The following COL9A3 variants were observed in gnomAD, a reference collection of about 807,000 sequenced individuals.
The protein encoded by COL9A3 is collagen alpha-3(IX) chain.
In COL9A3, 82 loss-of-function variants were observed where a neutral mutation model predicts 110.2. That is an observed-to-expected ratio of 0.74 (90% CI 0.62 to 0.89). COL9A3 has a LOEUF of 0.89. Among genes scored for constraint, COL9A3 ranks in the 40% least tolerant of loss-of-function variants. The pLI, the probability that COL9A3 is intolerant of heterozygous loss-of-function variation, is 0.00. For synonymous variants in COL9A3, 494 were observed against 403.8 expected (o/e 1.22, Z -2.68); for missense variants, 1,066 against 981.3 (o/e 1.09, Z -1.15).
intron 5 of COL9A3, 107 bp downstream of exon 5, chr20:62,820,089 C>G: frequency 7.5e-7 from 1 of 1,335,136 alleles, no homozygotes; most frequent in South Asian, 1.2e-5. Context: ...GTTCCAAGGA[C>G]AGCTGCCCTG....
chr20:62,819,576 G>T (rs1361444373), intron 4 of COL9A3, among the ~76,000 whole-genome samples: 1 of 152,164 alleles, frequency 6.6e-6, no homozygotes, highest in Non-Finnish European at 1.5e-5. Context: ...CCCACTGCTG[G>T]CCTCACTTAG....
intron 30 of COL9A3, among the ~76,000 whole-genome samples, chr20:62,837,900 G>A (rs1360858737): frequency 2.0e-5 from 3 of 151,894 alleles, no homozygotes; most frequent in Non-Finnish European, 2.9e-5. Flanking sequence ...GTGGATTACT[G>A]GAAGTCAGGA....
intron 26 of COL9A3, among the ~76,000 whole-genome samples, chr20:62,835,060 G>A (rs2147225311): frequency 6.6e-6 from 1 of 152,380 alleles, no homozygotes; most frequent in Middle Eastern, 3.4e-3. Flanking sequence ...AAAACCTAAG[G>A]CTTTGCTCTC....
intron 5 of COL9A3, 115 bp from the exon 6 acceptor site, chr20:62,821,066 G>C: frequency 5.5e-6 from 6 of 1,096,076 alleles, no homozygotes; most frequent in Non-Finnish European, 8.1e-6. Context: ...GTGAAGTGGG[G>C]ACTTGGACCC....
At position 62,836,258 on chromosome 20, in the gene COL9A3, C is replaced by A. The variant is rs913310560; in HGVS notation, c.1473C>A (p.Val491=). 10 of 1,613,574 alleles carry A rather than the reference C, an allele frequency of 6.2e-6. No individual in the cohort carries two copies. In the Admixed American group the frequency reaches 1.0e-4, roughly 16 times the overall value. The change falls in exon 28 of 32, where the codon GTC becomes GTA. Residue 491 remains valine, a synonymous_variant. Transcript: ENST00000649368. ...ACGGCACCAGCGGTGTTCAGGGTGT[C>A]CCCGGGCCCCCCGGTCCTCTGGGCC... ...GPNGTSGVQG[V]PGPPGPLGLQ...
chr20:62,836,508 G>T lies in COL9A3; in HGVS notation c.1579G>T (p.Glu527Ter). The T allele has an allele frequency of 6.2e-7, 1 of 1,613,100 alleles. No homozygotes were observed. The part of the protein sequence containing the change: ...GKEASEQRIR[E>*]LCGGMISEQI... ...GGAGGCCAGCGAGCAGCGCATCAGG[G>T]AGCTGTGTGGGGGGATGATCAGCGG... The change falls in exon 29 of 32, where the codon GAG (glutamate) becomes TAG (stop). Residue 527 changes from glutamate to a stop codon, truncating the protein, a stop_gained. Coordinates refer to ENST00000649368, the MANE Select transcript of COL9A3 (RefSeq NM_001853.4). LOFTEE classifies it high-confidence loss of function.
rs374122876 is a variant in COL9A3, at chr20:62,835,967, G to A, written c.1401+14G>A. Reference sequence around the variant, plus strand: ...CCCAAAGGAGAGGTGAGTGCCCGGCGACTGTTCCGATGACACCATCCATGG... The same window carrying A: ...CCCAAAGGAGAGGTGAGTGCCCGGCAACTGTTCCGATGACACCATCCATGG... On this transcript the variant is annotated intron_variant, in intron 27 of 31. Coordinates refer to ENST00000649368, the MANE Select transcript of COL9A3 (RefSeq NM_001853.4). The A allele has an allele frequency of 3.2e-5, 51 of 1,614,044 alleles. No homozygotes were observed. Among genetic ancestry groups the A allele is most frequent in the African/African-American group, 1.3e-4 (10 of 74,944 alleles).
upstream of COL9A3, among the ~76,000 whole-genome samples, chr20:62,816,846 G>A (rs895914600): frequency 1.3e-5 from 2 of 152,162 alleles, no homozygotes; most frequent in African/African-American, 2.4e-5. Context: ...CGCGGCCGGA[G>A]AGAACGCGCC....
intron 13 of COL9A3, 108 bp from the exon 14 acceptor site, chr20:62,826,096 C>T (rs2063549804): frequency 7.9e-6 from 10 of 1,272,598 alleles, no homozygotes; most frequent in Non-Finnish European, 1.1e-5. Flanking sequence ...GCTGAGGGCT[C>T]ATGGAAGACA....
upstream of COL9A3, among the ~76,000 whole-genome samples, chr20:62,816,892 G>A (rs1284531271): frequency 1.3e-5 from 2 of 151,124 alleles, no homozygotes; most frequent in Non-Finnish European, 3.0e-5. Flanking sequence ...CGCCCAGGCG[G>A]GCTGGGCGGC....
intron 24 of COL9A3, 35 bp from the exon 25 acceptor site, chr20:62,832,119 A>G (rs2147220465): frequency 6.2e-7 from 1 of 1,607,584 alleles, no homozygotes; most frequent in Non-Finnish European, 8.5e-7. Flanking sequence ...GATTCCTGCC[A>G]TTCCTCTAAT....
At chr20:62,830,956 G>A (rs894723035) in intron 24 of COL9A3, among the ~76,000 whole-genome samples, 32 of 151,512 alleles carry the variant, frequency 2.1e-4, no homozygotes, top group Non-Finnish European at 1.5e-4. Flanking sequence ...GTTCCTTGTG[G>A]GTGGGAGGCT....
At chr20:62,829,158 G>A (rs772684956) in intron 19 of COL9A3, among the ~76,000 whole-genome samples, 182 bp downstream of exon 19, 1 of 152,206 alleles carries the variant, frequency 6.6e-6, no homozygotes, top group Non-Finnish European at 1.5e-5. Flanking sequence ...ACGGTTGCCT[G>A]TATGTTTGCA....
chr20:62,822,509 G>C lies in COL9A3; in HGVS notation c.478-82G>C, dbSNP rs562298267. 7 of 1,353,490 alleles carry C rather than the reference G, an allele frequency of 5.2e-6. 1 individual carries two copies. Among genetic ancestry groups the C allele is most frequent in the East Asian group, 3.0e-5 (1 of 33,778 alleles). 83.8% of individuals were successfully genotyped at this position (1,353,490 alleles called of 1,614,324 possible). A position where few individuals can be genotyped will look rare whatever the true frequency, so the allele number is the denominator to read the frequency against. ...TGGTGGATGGGGAAGGTTGTGGTCC[G>C]TCAGAGAGTGGGTGGGTGGGTTGGG... On this transcript the variant is annotated intron_variant, in intron 9 of 31. Coordinates refer to ENST00000649368, the MANE Select transcript of COL9A3 (RefSeq NM_001853.4).
chr20:62,837,236 C>G lies in COL9A3; in HGVS notation c.1757C>G (p.Thr586Ser). The G allele has an allele frequency of 1.9e-6, 3 of 1,611,482 alleles. No individual in the cohort carries two copies. The highest frequency in any genetic ancestry group is 1.7e-5 in the Admixed American group (1 of 60,008). The change falls in exon 30 of 32, where the codon ACT (threonine) becomes AGT (serine). Residue 586 changes from threonine to serine, a missense_variant. Thr to Ser is a moderately conservative substitution (Grantham distance 58, BLOSUM62 1). Transcript: ENST00000649368. ...ARGPPGYRGPTGELGDPGPRG... is the reference protein window; with the variant it reads ...ARGPPGYRGPSGELGDPGPRG... ...GGACCCCCTGGATACCGCGGTCCCACTGGGGAGCTGGGAGACCCCGGGCCC... is the reference window on the plus strand; with the variant it reads ...GGACCCCCTGGATACCGCGGTCCCAGTGGGGAGCTGGGAGACCCCGGGCCC...
In COL9A3 at chr20:62,840,785, C is replaced by A; in HGVS notation, c.*53C>A. 3.2e-6 allele frequency: 5 copies of A among 1,543,354 alleles called. No homozygotes were observed. Among genetic ancestry groups the A allele is most frequent in the South Asian group, 2.4e-5 (2 of 83,688 alleles). On this transcript the variant is annotated 3_prime_UTR_variant, in exon 32 of 32. Transcript: ENST00000649368. ...GGACGCCCGAAGCACAGTGGACGGT[C>A]ATGAAGGAGCGGGGGTGTGGCAGGC...
intron 16 of COL9A3, 54 bp from the exon 17 acceptor site, chr20:62,827,869 T>C (rs979844164): frequency 1.9e-6 from 3 of 1,587,922 alleles, no homozygotes; most frequent in Non-Finnish European, 2.6e-6. Flanking sequence ...GGAGAATGCG[T>C]GAGGCCGTCT....
At chr20:62,820,934 C>T (rs1203516145) in intron 5 of COL9A3, among the ~76,000 whole-genome samples, 2 of 152,192 alleles carry the variant, frequency 1.3e-5, no homozygotes, top group African/African-American at 4.8e-5. Flanking sequence ...TGCCTCTCAG[C>T]CCTGCCTCAG....
intron 31 of COL9A3, among the ~76,000 whole-genome samples, chr20:62,839,621 G>A (rs921655142): frequency 2.7e-5 from 4 of 146,744 alleles, no homozygotes; most frequent in Non-Finnish European, 3.0e-5. Flanking sequence ...TCTCCTCCAC[G>A]CACTCACACT....
Sources: gnomAD v4.1 joint callset for allele counts (sites outside exome capture counted in the v4.1 genomes callset) on GRCh38, gnomAD v4.1.1 for gene constraint, MANE v1.5 for transcripts, NCBI Gene and HGNC (gene_info 2026-07-23, HGNC 2026-07-21) for gene names.